SLC35D4: variants seen among roughly 807,000 people sequenced by gnomAD.
SLC35D4 encodes the protein UDP-N-acetylglucosamine transporter SLC35D4.
At chr18:23,404,758 C>G in the SLC35D4 span, among the ~76,000 whole-genome samples, 1 of 150,930 alleles carries the variant, frequency 6.6e-6, no homozygotes, top group African/African-American at 2.4e-5. Flanking sequence ...GAGGCCGAGG[C>G]AGGCAGATTA....
the SLC35D4 span, among the ~76,000 whole-genome samples, chr18:23,360,493 C>G: frequency 6.6e-6 from 1 of 152,190 alleles, no homozygotes; most frequent in Non-Finnish European, 1.5e-5. Context: ...GAATGAATCT[C>G]TAAACATTGT....
the SLC35D4 span, among the ~76,000 whole-genome samples, chr18:23,371,944 T>G: frequency 7.6e-5 from 2 of 26,216 alleles, no homozygotes; most frequent in African/African-American, 1.8e-4. Flanking sequence ...TGTTTTTTTT[T>G]TTTTTTTTTG....
chr18:23,269,712 G>A, the SLC35D4 span, among the ~76,000 whole-genome samples: 25 of 152,350 alleles, frequency 1.6e-4, 1 homozygote, highest in East Asian at 4.8e-3. Context: ...TAAAGTCCAG[G>A]TTGAGGTGGT....
At chr18:23,268,932 C>T in the SLC35D4 span, among the ~76,000 whole-genome samples, 2 of 152,080 alleles carry the variant, frequency 1.3e-5, no homozygotes, top group Non-Finnish European at 2.9e-5. Flanking sequence ...CTATTGCTGC[C>T]CTCTTAGGCA....
chr18:23,417,723 T>C, the SLC35D4 span, among the ~76,000 whole-genome samples: 13 of 152,338 alleles, frequency 8.5e-5, no homozygotes, highest in Non-Finnish European at 1.6e-4. Flanking sequence ...AAAAAAATTT[T>C]TCATGGGAAA....
At chr18:23,305,721 C>T in the SLC35D4 span, among the ~76,000 whole-genome samples, 13 of 152,212 alleles carry the variant, frequency 8.5e-5, no homozygotes, top group East Asian at 1.7e-3. Context: ...CCCCCACTGG[C>T]GCTCCTGAGA....
chr18:23,371,384 C>A, the SLC35D4 span: 1 of 1,491,576 alleles, frequency 6.7e-7, no homozygotes, highest in Non-Finnish European at 9.0e-7. Flanking sequence ...TATGAGCCAC[C>A]GTGCCCAGCC....
At chr18:23,331,094 G>T in the SLC35D4 span, 1 of 152,276 alleles carries the variant, frequency 6.6e-6, no homozygotes, top group Non-Finnish European at 1.5e-5. Context: ...GCAGAGCCCC[G>T]GAACAGCGGT....
At chr18:23,291,506 A>T in the SLC35D4 span, among the ~76,000 whole-genome samples, 1 of 152,238 alleles carries the variant, frequency 6.6e-6, no homozygotes, top group Non-Finnish European at 1.5e-5. Flanking sequence ...GACTGAGGTC[A>T]CCTGATGGCA....
At chr18:23,378,846 CAT>C in the SLC35D4 span, among the ~76,000 whole-genome samples, 38,989 of 152,042 alleles carry the variant, frequency 0.26, 5,934 homozygotes, top group East Asian at 0.4. Flanking sequence ...ACAAGAGAAA[CAT>C]GTGGCTTACT....
At chr18:23,313,396 A>G in the SLC35D4 span, among the ~76,000 whole-genome samples, 1 of 152,014 alleles carries the variant, frequency 6.6e-6, no homozygotes, top group Admixed American at 6.6e-5. Context: ...GGGAAAAGAA[A>G]AAAAAAAAGG....
the SLC35D4 span, among the ~76,000 whole-genome samples, chr18:23,424,604 T>C: frequency 6.6e-6 from 1 of 152,140 alleles, no homozygotes; most frequent in African/African-American, 2.4e-5. Context: ...CCTTTAGAGA[T>C]GTGGAAAGAC....
chr18:23,261,609 C>T, the SLC35D4 span, among the ~76,000 whole-genome samples: 2 of 152,052 alleles, frequency 1.3e-5, no homozygotes, highest in African/African-American at 4.8e-5. Flanking sequence ...GGAGCAAGAC[C>T]CTGTCTCAGA....
At chr18:23,407,448 A>G in the SLC35D4 span, among the ~76,000 whole-genome samples, 1 of 152,172 alleles carries the variant, frequency 6.6e-6, no homozygotes, top group Non-Finnish European at 1.5e-5. Flanking sequence ...CACTGGCAAC[A>G]TATGAAACAG....
the SLC35D4 span, chr18:23,421,455 C>G: frequency 6.2e-7 from 1 of 1,613,740 alleles, no homozygotes; most frequent in East Asian, 2.2e-5. Flanking sequence ...CTGGAAAGGA[C>G]AAGGGGCAAT....
the SLC35D4 span, among the ~76,000 whole-genome samples, chr18:23,346,210 T>TGC: frequency 6.6e-6 from 1 of 152,234 alleles, no homozygotes; most frequent in African/African-American, 2.4e-5. Flanking sequence ...AATAGCTCAC[T>TGC]GCATCCTCAA....
At chr18:23,339,773 C>G in the SLC35D4 span, among the ~76,000 whole-genome samples, 18 of 152,176 alleles carry the variant, frequency 1.2e-4, no homozygotes, top group African/African-American at 4.1e-4. Context: ...TTTCTCACGG[C>G]ATCCTCAAGG....
chr18:23,433,547 G>A, the SLC35D4 span, among the ~76,000 whole-genome samples: 4 of 152,188 alleles, frequency 2.6e-5, no homozygotes, highest in Non-Finnish European at 5.9e-5. Flanking sequence ...CCTCCCAAAG[G>A]ATGGAGGAAC....
chr18:23,286,929 TC>T, the SLC35D4 span, among the ~76,000 whole-genome samples: 22 of 151,570 alleles, frequency 1.5e-4, no homozygotes, highest in Admixed American at 4.6e-4. Context: ...TCCTCTTGTA[TC>T]CCCCCACCTT....
Sources: gnomAD v4.1 joint callset for allele counts (sites outside exome capture counted in the v4.1 genomes callset) on GRCh38, gnomAD v4.1.1 for gene constraint, MANE v1.5 for transcripts, NCBI Gene and HGNC (gene_info 2026-07-23, HGNC 2026-07-21) for gene names.